The following DMD variants were observed in gnomAD, a reference collection of about 807,000 sequenced individuals.
The protein encoded by DMD is dystrophin.
DMD carries 63 observed loss-of-function variants against 330.1 expected under a neutral mutation model. The ratio of observed to expected loss-of-function variants is 0.19; its 90% CI spans 0.16 to 0.24. The LOEUF (loss-of-function observed/expected upper bound fraction) is 0.24, where lower values mean the gene tolerates loss of function less well. Ranked by LOEUF, DMD falls within the 10% of genes least tolerant of loss-of-function variation. The pLI is 1.00. For missense variants in DMD, 3,344 were observed against 2,684.1 expected, an observed-to-expected ratio of 1.25 and a Z score of -5.43; for synonymous variants, 1,223 against 959.8, an observed-to-expected ratio of 1.27 and a Z score of -5.07.
At chrX:32,822,540 G>C (rs2078353089) in intron 5 of DMD, among the ~76,000 whole-genome samples, 1 of 109,669 alleles carries the variant, frequency 9.1e-6, no homozygotes. Flanking sequence ...AATATTAGTG[G>C]ATATAAGTTC....
intron 43 of DMD, among the ~76,000 whole-genome samples, chrX:32,273,335 T>A (rs1434395746): frequency 1.8e-5 from 2 of 110,732 alleles, no homozygotes; most frequent in African/African-American, 3.3e-5. Flanking sequence ...TGTGCCTCTG[T>A]AATCCCATCT....
At chrX:32,888,150 T>A (rs114001003) in intron 2 of DMD, among the ~76,000 whole-genome samples, 18,938 of 110,063 alleles carry the variant, frequency 0.17, 1,263 homozygotes, top group South Asian at 0.23. Flanking sequence ...TTTTATTTTT[T>A]ATTTTTTTTA....
At chrX:33,082,200 T>C (rs911397120) in intron 1 of DMD, among the ~76,000 whole-genome samples, 2 of 112,212 alleles carry the variant, frequency 1.8e-5, no homozygotes, top group African/African-American at 6.5e-5. Flanking sequence ...AATATATCTA[T>C]AGCTTGTTTA....
intron 43 of DMD, among the ~76,000 whole-genome samples, chrX:32,254,976 C>T (rs1462612387): frequency 8.9e-6 from 1 of 112,029 alleles, no homozygotes; most frequent in East Asian, 2.8e-4. Context: ...AAACTCTATA[C>T]CAATGACACA....
intron 9 of DMD, among the ~76,000 whole-genome samples, chrX:32,666,922 A>G (rs745388081): frequency 2.3e-4 from 25 of 110,873 alleles, no homozygotes; most frequent in Admixed American, 7.7e-4. Context: ...CCTTCTGGGC[A>G]TATACACAAA....
At chrX:32,297,708 T>C (rs186252118) in intron 42 of DMD, among the ~76,000 whole-genome samples, 4 of 111,659 alleles carry the variant, frequency 3.6e-5, no homozygotes, top group Non-Finnish European at 7.5e-5. Flanking sequence ...CTCAGTTAGA[T>C]AGTGGTTAAG....
intron 45 of DMD, among the ~76,000 whole-genome samples, chrX:31,952,346 C>T (rs1241197378): frequency 9.0e-6 from 1 of 110,818 alleles, no homozygotes; most frequent in Non-Finnish European, 1.9e-5. Flanking sequence ...TTGATATGCT[C>T]AATGTTTTGA....
intron 1 of DMD, among the ~76,000 whole-genome samples, chrX:33,181,710 C>G (rs1256517384): frequency 3.6e-5 from 4 of 111,806 alleles, no homozygotes; most frequent in Admixed American, 1.9e-4. Context: ...TTATTAGCTG[C>G]GGAGCTATTG....
At chrX:32,345,031 G>C (rs2097759346) in intron 39 of DMD, among the ~76,000 whole-genome samples, 1 of 111,068 alleles carries the variant, frequency 9.0e-6, no homozygotes, top group South Asian at 3.8e-4. Flanking sequence ...GTGTTTATTT[G>C]GTTGACTATA....
At chrX:32,610,765 T>C (rs699457) in intron 12 of DMD, among the ~76,000 whole-genome samples, 45,479 of 109,673 alleles carry the variant, frequency 0.41, 8,774 homozygotes, top group African/African-American at 0.76. Context: ...TTATATTAGG[T>C]TAGAAGTTTG....
chrX:32,765,289 C>A (rs938813636), intron 7 of DMD, among the ~76,000 whole-genome samples: 2 of 110,668 alleles, frequency 1.8e-5, no homozygotes, highest in Non-Finnish European at 3.8e-5. Flanking sequence ...TGGTTTAGTA[C>A]TGTCCGCTTG....
intron 7 of DMD, among the ~76,000 whole-genome samples, chrX:32,776,282 A>AC (rs58231835): frequency 0.23 from 20,105 of 88,775 alleles, 1,863 homozygotes; most frequent in Admixed American, 0.38. Context: ...TCTTCTTCTG[A>AC]CCCCCCCCCC....
intron 2 of DMD, among the ~76,000 whole-genome samples, chrX:32,907,951 C>CCA (rs2086864931): frequency 9.0e-6 from 1 of 110,963 alleles, no homozygotes; most frequent in African/African-American, 3.3e-5. Context: ...GTGCCCACAG[C>CCA]TCACAAATCT....
At position 32,644,288 on chromosome X, in the gene DMD, T is replaced by A. The variant is rs2059649630; in HGVS notation, c.1175A>T (p.His392Leu). 8.3e-7 allele frequency: 1 copy of A among 1,209,048 alleles called. No homozygotes were observed. The highest frequency in any genetic ancestry group is 1.8e-5 in the African/African-American group (1 of 56,963). ...HEGYMMDLTA[H>L]QGRVGNILQL... ...TAGAATATTACCAACCCGGCCCTGA[T>A]GGGCTGTCAAATCCATCATGTACCC... The change falls in exon 11 of 79, where the codon CAT becomes CTT. Residue 392 changes from histidine (H) to leucine (L), a missense_variant. His to Leu is a moderately conservative substitution (Grantham distance 99). Transcript: ENST00000357033.
intron 57 of DMD, among the ~76,000 whole-genome samples, chrX:31,489,363 C>T (rs1438894682): frequency 2.7e-5 from 3 of 111,799 alleles, no homozygotes; most frequent in Admixed American, 9.5e-5. Context: ...GAACTCTTGA[C>T]GTCCAGGGAT....
intron 55 of DMD, among the ~76,000 whole-genome samples, chrX:31,587,762 C>T (rs931182493): frequency 1.8e-5 from 2 of 111,398 alleles, no homozygotes; most frequent in Non-Finnish European, 3.8e-5. Context: ...TCTCTCCCCC[C>T]GTACTCTCAG....
intron 66 of DMD, among the ~76,000 whole-genome samples, chrX:31,204,457 T>C (rs113672688): frequency 0.061 from 6,791 of 111,752 alleles, 484 homozygotes; most frequent in African/African-American, 0.21. Flanking sequence ...AAAAAATAAG[T>C]GTTTTAGCAT....
intron 4 of DMD, among the ~76,000 whole-genome samples, chrX:32,827,704 A>C (rs1188082756): frequency 7.0e-5 from 7 of 99,503 alleles, no homozygotes; most frequent in Non-Finnish European, 1.4e-4. Context: ...CTTGTTGCCC[A>C]GACTGGAGTG....
At chrX:32,876,530 C>T (rs1240052327) in intron 2 of DMD, among the ~76,000 whole-genome samples, 2 of 111,420 alleles carry the variant, frequency 1.8e-5, no homozygotes, top group Non-Finnish European at 3.8e-5. Context: ...TCCCATGTGC[C>T]TTGCCATTCC....
Sources: allele counts gnomAD v4.1 joint callset (sites outside exome capture counted in the v4.1 genomes callset), GRCh38; gene constraint gnomAD v4.1.1; transcripts MANE v1.5; gene names NCBI Gene and HGNC (gene_info 2026-07-23, HGNC 2026-07-21).